SLCO3A1: variants seen among roughly 807,000 people sequenced by gnomAD.
The protein encoded by SLCO3A1 is solute carrier organic anion transporter family member 3A1.
In SLCO3A1, 27 loss-of-function variants were observed where a neutral mutation model predicts 63.1. The ratio of observed to expected loss-of-function variants is 0.43; its 90% CI spans 0.32 to 0.59. The LOEUF (loss-of-function observed/expected upper bound fraction) is 0.59. Ranked by LOEUF, SLCO3A1 falls within the 20% of genes least tolerant of loss-of-function variation. The pLI is 0.09. For missense variants in SLCO3A1, 773 were observed against 945.8 expected (o/e 0.82, Z 2.40); for synonymous variants, 473 against 409.9 (o/e 1.15, Z -1.86).
At position 91,882,357 on chromosome 15, in the gene SLCO3A1, C is replaced by G. The variant is rs1897609798; in HGVS notation, c.180+28269C>G. Among the ~76,000 whole-genome samples, 1 of 152,192 alleles carries G rather than the reference C, an allele frequency of 6.6e-6. No individual in the cohort carries two copies. The highest frequency in any genetic ancestry group is 1.5e-5 in the Non-Finnish European group (1 of 68,042). ...ATATTGAACCCATGCATTTGCTTCT[C>G]TTTGTGTTCATAGCTCCCAGTTTAA... On this transcript the variant is annotated intron_variant, in intron 1 of 9. Transcript: ENST00000318445. This position sits in a 1 kb window ranked among gnomAD's most constrained non-coding sequence, Gnocchi z 4.4.
chr15:91,867,305 C>T (rs1897189237), intron 1 of SLCO3A1, among the ~76,000 whole-genome samples: 1 of 152,176 alleles, frequency 6.6e-6, no homozygotes, highest in East Asian at 1.9e-4. Context: ...CATGCTGAGG[C>T]CAAGGGGCTG....
rs564100224 is a variant in SLCO3A1, at chr15:92,164,558, C to T, written c.*1423C>T. 2.8e-5 allele frequency: 28 copies of T among 985,148 alleles called. No homozygotes were observed. Among genetic ancestry groups the T allele is most frequent in the African/African-American group, 2.8e-4 (16 of 57,210 alleles). The allele number at this position is 985,148 out of a possible 1,614,324, so 61.0% of individuals were successfully genotyped here. On this transcript the variant is annotated 3_prime_UTR_variant, in exon 10 of 10. Coordinates refer to ENST00000318445, the MANE Select transcript of SLCO3A1 (RefSeq NM_013272.4). Reference sequence around the variant, plus strand: ...TTTGTGTGTATGGGTGCAACACTTCCGGGGATAGGAAAGAAGAACAGTTCC... The same window carrying T: ...TTTGTGTGTATGGGTGCAACACTTCTGGGGATAGGAAAGAAGAACAGTTCC...
intron 7 of SLCO3A1, among the ~76,000 whole-genome samples, chr15:92,145,549 G>A (rs567634966): frequency 3.2e-4 from 49 of 152,168 alleles, no homozygotes; most frequent in South Asian, 6.2e-4. Flanking sequence ...AGGGTGGAGC[G>A]ACCCTTGAAA....
At chr15:92,171,799 T>G in exon 11 of SLCO3A1, 1 of 1,551,406 alleles carries the variant, frequency 6.4e-7, no homozygotes, top group Non-Finnish European at 8.7e-7. Flanking sequence ...ACCAAGACAT[T>G]GAGACTGAGA....
chr15:92,121,944 C>T (rs1401404881), intron 5 of SLCO3A1, among the ~76,000 whole-genome samples: 1 of 152,124 alleles, frequency 6.6e-6, no homozygotes, highest in African/African-American at 2.4e-5. Context: ...GCGGTGGCAC[C>T]CGTTCTGTGG....
chr15:91,974,757 C>T (rs1159843444), intron 2 of SLCO3A1, among the ~76,000 whole-genome samples: 1 of 152,188 alleles, frequency 6.6e-6, no homozygotes, highest in Non-Finnish European at 1.5e-5. Flanking sequence ...AAGGCGGAGA[C>T]ATTCATTTCC....
chr15:92,128,634 G>A, intron 7 of SLCO3A1, 145 bp downstream of exon 7: 1 of 701,440 alleles, frequency 1.4e-6, no homozygotes, highest in Non-Finnish European at 2.3e-6. Context: ...CCATCAGCAG[G>A]ATGAGAGGAC....
At chr15:91,961,823 C>T (rs1303323291) in intron 2 of SLCO3A1, among the ~76,000 whole-genome samples, 2 of 152,190 alleles carry the variant, frequency 1.3e-5, no homozygotes, top group African/African-American at 2.4e-5. Flanking sequence ...TCTATGAGAG[C>T]GACCCATTCA....
At chr15:92,128,606 G>T in intron 7 of SLCO3A1, 117 bp downstream of exon 7, 1 of 855,836 alleles carries the variant, frequency 1.2e-6, no homozygotes, top group East Asian at 2.7e-5. Context: ...CTGTTGCCTT[G>T]CTGTAGTGGA....
chr15:92,048,522 C>T (rs1200401304), intron 2 of SLCO3A1, among the ~76,000 whole-genome samples: 1 of 152,174 alleles, frequency 6.6e-6, no homozygotes, highest in African/African-American at 2.4e-5. Flanking sequence ...GAATGTTTAG[C>T]AGTGTCCCTG....
Position 91,948,926 on chromosome 15 carries a change from GT to G in SLCO3A1, c.646+32481del, listed in dbSNP as rs200407433. Among the ~76,000 whole-genome samples, 7,010 of 145,532 alleles carry G rather than the reference GT, an allele frequency of 0.048. 194 individuals are homozygous for G. Among genetic ancestry groups the G allele is most frequent in the Non-Finnish European group, 0.063 (4,149 of 65,728 alleles). ...CATCCATTTAGGAATCAATACTTTG[GT>G]TTTTTTTTTTTTACTATTATTTCTG... On this transcript the variant is annotated intron_variant, in intron 2 of 9. Transcript: ENST00000318445. The surrounding 1 kb of genome is among the most constrained non-coding windows in gnomAD (Gnocchi z 4.8).
At chr15:92,109,552 C>T (rs879702180) in intron 4 of SLCO3A1, among the ~76,000 whole-genome samples, 2 of 152,132 alleles carry the variant, frequency 1.3e-5, no homozygotes, top group Non-Finnish European at 2.9e-5. Flanking sequence ...GTTTAAAATC[C>T]AAAGGGAGAG....
intron 4 of SLCO3A1, among the ~76,000 whole-genome samples, chr15:92,111,520 AG>A (rs2047729648): frequency 6.6e-6 from 1 of 152,216 alleles, no homozygotes; most frequent in African/African-American, 2.4e-5. Context: ...ATCCTGTGCC[AG>A]GCTGTGATTT....
At chr15:91,918,965 A>C (rs117317058) in intron 2 of SLCO3A1, among the ~76,000 whole-genome samples, 2 of 152,312 alleles carry the variant, frequency 1.3e-5, no homozygotes, top group East Asian at 3.9e-4. Context: ...TCGTGACACT[A>C]TAGTGGAGAT....
intron 2 of SLCO3A1, among the ~76,000 whole-genome samples, chr15:91,962,389 A>C (rs1411393396): frequency 2.0e-5 from 3 of 151,516 alleles, no homozygotes; most frequent in Non-Finnish European, 4.4e-5. Flanking sequence ...TGAGGCAGGA[A>C]AATCACTTGA....
At chr15:92,126,364 A>AT in intron 6 of SLCO3A1, 105 bp downstream of exon 6, 1 of 897,872 alleles carries the variant, frequency 1.1e-6, no homozygotes, top group Non-Finnish European at 1.8e-6. Context: ...TGACCTGAGG[A>AT]GACGCATCAC....
chr15:92,048,879 A>G (rs1020121636), intron 2 of SLCO3A1, among the ~76,000 whole-genome samples: 1 of 152,208 alleles, frequency 6.6e-6, no homozygotes, highest in Admixed American at 6.5e-5. Context: ...GCTTTAGAGC[A>G]TTTGTGCATT....
intron 7 of SLCO3A1, among the ~76,000 whole-genome samples, chr15:92,135,278 C>T (rs2048043155): frequency 6.6e-6 from 1 of 152,134 alleles, no homozygotes; most frequent in Admixed American, 6.5e-5. Context: ...GCAGAGTGAG[C>T]CTTTCTGCTC....
intron 7 of SLCO3A1, among the ~76,000 whole-genome samples, chr15:92,143,555 C>T (rs1313173914): frequency 1.6e-5 from 2 of 122,742 alleles, no homozygotes; most frequent in South Asian, 2.5e-4. Context: ...TTAGGGAATA[C>T]GGCCACAGTG....
Sources: allele counts gnomAD v4.1 joint callset (sites outside exome capture counted in the v4.1 genomes callset), GRCh38; gene constraint gnomAD v4.1.1; non-coding constraint Gnocchi (gnomAD v3.1); transcripts MANE v1.5; gene names NCBI Gene and HGNC (gene_info 2026-07-23, HGNC 2026-07-21).